Variants in NFRKB observed in about 807,000 individuals in gnomAD.
The protein encoded by NFRKB is nuclear factor related to kappa-B-binding protein.
In NFRKB, 62 loss-of-function variants were observed where a neutral mutation model predicts 135.7. That is an observed-to-expected ratio of 0.46 (90% CI 0.37 to 0.56). The LOEUF (loss-of-function observed/expected upper bound fraction) is 0.56, where lower values mean the gene tolerates loss of function less well. NFRKB is among the 20% of genes least tolerant of loss of function. The probability of loss-of-function intolerance (pLI) is 0.00; values close to 1 mark genes in which losing one functional copy is unlikely to be tolerated. For synonymous variants in NFRKB, 678 were observed against 635.6 expected (o/e 1.07, Z -1.00); for missense variants, 1,545 against 1,662.0 (o/e 0.93, Z 1.22).
intron 13 of NFRKB, among the ~76,000 whole-genome samples, chr11:129,880,583 G>A (rs1035223965): frequency 1.3e-5 from 2 of 152,148 alleles, no homozygotes; most frequent in Non-Finnish European, 2.9e-5. Flanking sequence ...GCTTCCTCAG[G>A]AAGGTCCTCC....
At chr11:129,867,275 T>C (rs1448439675) in intron 24 of NFRKB, among the ~76,000 whole-genome samples, 1 of 151,904 alleles carries the variant, frequency 6.6e-6, no homozygotes, top group Non-Finnish European at 1.5e-5. Flanking sequence ...GAGTGCAGTT[T>C]CCCGCTTCCT....
Position 129,882,079 on chromosome 11 carries a change from C to T in NFRKB, c.1191+7G>A, listed in dbSNP as rs371492742. On this transcript the variant is annotated splice_region_variant and intron_variant, in intron 11 of 26. Transcript: ENST00000682444. ...TAATGTACCTCCAACTTTTCCAAAA[C>T]GCTTACCATAGGAAGGCTAGCCTGA... is the stretch of plus-strand genomic sequence containing the variant. 87 of 1,592,748 alleles carry T rather than the reference C, an allele frequency of 5.5e-5. No individual in the cohort carries two copies. The Middle Eastern group carries it at 6.8e-4, about 12-fold the overall frequency.
intron 7 of NFRKB, 126 bp downstream of exon 7, chr11:129,884,619 C>T: frequency 9.2e-7 from 1 of 1,081,192 alleles, no homozygotes; most frequent in Non-Finnish European, 1.3e-6. Context: ...AAACAAATCA[C>T]CTAGTTCTAG....
At chr11:129,865,237 C>CGA in intron 25 of NFRKB, 136 bp from the exon 26 acceptor site, 2 of 1,028,364 alleles carry the variant, frequency 1.9e-6, no homozygotes, top group Non-Finnish European at 2.8e-6. Flanking sequence ...AAATGGAAAC[C>CGA]AACTGCTGAG....
Position 129,864,463 on chromosome 11 carries a change from G to T in NFRKB, c.*262C>A. On this transcript the variant is annotated 3_prime_UTR_variant, in exon 27 of 27. Coordinates refer to ENST00000682444, the MANE Select transcript of NFRKB (RefSeq NM_001143835.2). ...AACTCTGGCTTGTTGGACGTAACTG[G>T]TAATTCCTGCAATTTCAACAGAATA... The T allele has an allele frequency of 2.4e-6, 1 of 416,996 alleles. No individual in the cohort carries two copies. Among genetic ancestry groups the T allele is most frequent in the Non-Finnish European group, 4.4e-6 (1 of 227,342 alleles). The allele number at this position is 416,996 out of a possible 1,614,324, so 25.8% of individuals were successfully genotyped here. A position where few individuals can be genotyped will look rare whatever the true frequency, so the allele number is the denominator to read the frequency against.
chr11:129,883,706 G>C (rs967880086), intron 8 of NFRKB, among the ~76,000 whole-genome samples: 1 of 152,174 alleles, frequency 6.6e-6, no homozygotes, highest in African/African-American at 2.4e-5. Flanking sequence ...TGGTAGCATG[G>C]AATAATGGAA....
intron 13 of NFRKB, among the ~76,000 whole-genome samples, chr11:129,879,549 A>G (rs1352936353): frequency 2.0e-5 from 3 of 152,134 alleles, no homozygotes; most frequent in African/African-American, 7.2e-5. Context: ...TATCTTACTG[A>G]ATCTTTTAGG....
chr11:129,873,436 C>T (rs931096302), intron 22 of NFRKB, among the ~76,000 whole-genome samples: 4 of 152,304 alleles, frequency 2.6e-5, no homozygotes, highest in South Asian at 2.1e-4. Context: ...ACTAGAGGCA[C>T]AGCAGAAGGA....
At position 129,869,840 on chromosome 11, in the gene NFRKB, G is replaced by A. The variant is rs746624172; in HGVS notation, c.3185C>T (p.Pro1062Leu). ...EASSSAFRLM[P>L]ALGVSVADQK... ...GTCAGCCACACTCACGCCAAGAGCT[G>A]GCATCAAGCGAAAAGCCGAACTTGA... The change falls in exon 24 of 27, where the codon CCA (proline) becomes CTA (leucine). Residue 1062 changes from proline to leucine, a missense_variant. Coordinates refer to ENST00000682444, the MANE Select transcript of NFRKB (RefSeq NM_001143835.2). 1 of 1,614,240 alleles carries A rather than the reference G, an allele frequency of 6.2e-7. No individual in the cohort carries two copies. The highest frequency in any genetic ancestry group is 8.5e-7 in the Non-Finnish European group (1 of 1,180,048).
Position 129,874,640 on chromosome 11 carries a change from G to A in NFRKB, c.1979-60C>T. On this transcript the variant is annotated intron_variant, in intron 19 of 26. Transcript: ENST00000682444. This position sits in a 1 kb window ranked among gnomAD's most constrained non-coding sequence, Gnocchi z 4.5. Reference sequence around the variant, plus strand: ...TAACCTTAGCAAACTAAAAAGAGGGGCTTTGTTAAAAACCAACACCTTGCC... The same window carrying A: ...TAACCTTAGCAAACTAAAAAGAGGGACTTTGTTAAAAACCAACACCTTGCC... 6.2e-7 allele frequency: 1 copy of A among 1,605,982 alleles called. No individual in the cohort carries two copies. The highest frequency in any genetic ancestry group is 8.5e-7 in the Non-Finnish European group (1 of 1,175,688).
chr11:129,885,408 C>T, intron 6 of NFRKB, 27 bp downstream of exon 6: 1 of 1,582,854 alleles, frequency 6.3e-7, no homozygotes, highest in Non-Finnish European at 8.6e-7. Flanking sequence ...AATACCCCAG[C>T]TACCCCAAGT....
intron 5 of NFRKB, 137 bp from the exon 6 acceptor site, chr11:129,885,746 CAT>C: frequency 9.3e-6 from 7 of 753,554 alleles, no homozygotes; most frequent in Non-Finnish European, 1.4e-5. Context: ...GAAAGATGCA[CAT>C]ATATATTAAT....
Position 129,864,318 on chromosome 11 carries a change from T to A in NFRKB, c.*407A>T, listed in dbSNP as rs1472622888. 1 of 167,380 alleles carries A rather than the reference T, an allele frequency of 6.0e-6. No individual in the cohort carries two copies. Among genetic ancestry groups the A allele is most frequent in the Non-Finnish European group, 1.3e-5 (1 of 77,484 alleles). 10.4% of individuals were successfully genotyped at this position (167,380 alleles called of 1,614,324 possible). On this transcript the variant is annotated 3_prime_UTR_variant, in exon 27 of 27. Transcript: ENST00000682444. ...AAATTTTCTGGACACAAAACTCCTA[T>A]CCAGACCACTAGTCATGGAGAAGAC...
chr11:129,873,651 C>G, intron 22 of NFRKB, 94 bp downstream of exon 22: 1 of 1,507,942 alleles, frequency 6.6e-7, no homozygotes, highest in Non-Finnish European at 9.0e-7. Flanking sequence ...ATCTATGGCT[C>G]CCCAGTCCTT....
chr11:129,867,879 T>C (rs1257766908), intron 24 of NFRKB, among the ~76,000 whole-genome samples: 1 of 152,234 alleles, frequency 6.6e-6, no homozygotes, highest in Non-Finnish European at 1.5e-5. Context: ...ATTTGGTTTA[T>C]GATAAATGCA....
chr11:129,875,541 A>G (rs1040871920), intron 17 of NFRKB, 78 bp from the exon 18 acceptor site: 4 of 1,106,300 alleles, frequency 3.6e-6, no homozygotes, highest in East Asian at 2.8e-5. Context: ...ACCTGCAGTG[A>G]TGGGCAAAGC....
intron 23 of NFRKB, chr11:129,872,649 C>A (rs183252103): frequency 1.0e-4 from 43 of 414,548 alleles, no homozygotes; most frequent in Non-Finnish European, 1.6e-4. Flanking sequence ...TCCAGAAACT[C>A]GACTACTGAA....
chr11:129,879,541 T>A (rs1432950950), intron 13 of NFRKB, among the ~76,000 whole-genome samples: 1 of 152,176 alleles, frequency 6.6e-6, no homozygotes, highest in Admixed American at 6.5e-5. Context: ...TTAGTCTTTA[T>A]CTTACTGAAT....
In NFRKB at chr11:129,874,601, C is replaced by G; in HGVS notation, c.1979-21G>C. 1 of 1,613,116 alleles carries G rather than the reference C, an allele frequency of 6.2e-7. No homozygotes were observed. The highest frequency in any genetic ancestry group is 8.5e-7 in the Non-Finnish European group (1 of 1,179,656). ...CCGCTCTGTGAACAAGAGGGGCAAG[C>G]TTCAGCCAGAGTTTAACCTTAGCAA... On this transcript the variant is annotated intron_variant, in intron 19 of 26. Transcript: ENST00000682444. The surrounding 1 kb of genome is among the most constrained non-coding windows in gnomAD (Gnocchi z 4.5).
Sources: gnomAD v4.1 joint callset for allele counts (sites outside exome capture counted in the v4.1 genomes callset) on GRCh38, gnomAD v4.1.1 for gene constraint, Gnocchi (gnomAD v3.1) non-coding constraint, MANE v1.5 for transcripts, NCBI Gene and HGNC (gene_info 2026-07-23, HGNC 2026-07-21) for gene names.